Variants in EPB41L3 observed in about 807,000 individuals in gnomAD.
EPB41L3 encodes the protein erythrocyte membrane protein band 4.1 like 3, also known as band 4.1-like protein 3.
A neutral mutation model predicts 127.1 loss-of-function variants in EPB41L3; 57 were observed. The observed-to-expected ratio is 0.45, with a 90% CI of 0.36 to 0.56. EPB41L3 has a LOEUF of 0.56. EPB41L3 is among the 20% of genes least tolerant of loss of function. EPB41L3 has a pLI of 0.00. For synonymous variants in EPB41L3, 572 were observed against 549.5 expected, an observed-to-expected ratio of 1.04 and a Z score of -0.57; for missense variants, 1,273 against 1,372.2, an observed-to-expected ratio of 0.93 and a Z score of 1.14.
At chr18:5,451,027 A>T (rs1398067149) in intron 3 of EPB41L3, among the ~76,000 whole-genome samples, 1 of 152,124 alleles carries the variant, frequency 6.6e-6, no homozygotes, top group Non-Finnish European at 1.5e-5. Context: ...ACTGATGACC[A>T]TTGCCCTGTA....
rs796533356 is a variant in EPB41L3 at position 5,455,620 on chromosome 18, C to CT, written c.382-10377dup. On this transcript the variant is annotated intron_variant, in intron 3 of 22. Transcript: ENST00000341928. The stretch of plus-strand genomic sequence containing the variant: ...GCCCATCTACCTTTCTTTAAAGGTG[C>CT]TTTTTTTTTTTTAATTGGTTCCTGC... 5.8e-3 allele frequency among the ~76,000 whole-genome samples: 813 copies of CT among 139,308 alleles called. 9 individuals carry two copies. The highest frequency in any genetic ancestry group is 0.023 in the East Asian group (107 of 4,748). The allele number at this position is 139,308 out of a possible 152,430, so 91.4% of individuals were successfully genotyped here. A position where few individuals can be genotyped will look rare whatever the true frequency, so the allele number is the denominator to read the frequency against.
intron 6 of EPB41L3, 96 bp from the exon 7 acceptor site, chr18:5,434,217 T>C (rs2079407638): frequency 1.1e-6 from 1 of 874,414 alleles, no homozygotes; most frequent in Admixed American, 2.1e-5. Flanking sequence ...AATTTCTCCC[T>C]GTAGAACAGC....
intron 9 of EPB41L3, among the ~76,000 whole-genome samples, chr18:5,427,871 G>A (rs886383536): frequency 4.0e-5 from 6 of 151,816 alleles, no homozygotes; most frequent in African/African-American, 1.5e-4. Flanking sequence ...TCAGCCTCCC[G>A]AGTAGCTGGG....
intron 18 of EPB41L3, 84 bp downstream of exon 18, chr18:5,396,974 C>CTCCA: frequency 7.1e-7 from 1 of 1,409,420 alleles, no homozygotes; most frequent in East Asian, 2.3e-5. Flanking sequence ...TTAAACTTAG[C>CTCCA]TCCACCTTTA....
At position 5,396,855 on chromosome 18, in the gene EPB41L3, G is replaced by C. The variant is rs577423070; in HGVS notation, c.2841+203C>G. 2.6e-5 allele frequency among the ~76,000 whole-genome samples: 4 copies of C among 152,180 alleles called. No homozygotes were observed. In the East Asian group the frequency reaches 7.7e-4, roughly 29 times the overall value. On this transcript the variant is annotated intron_variant, in intron 18 of 22. Transcript: ENST00000341928. The stretch of plus-strand genomic sequence containing the variant: ...GGTGCCATATTATTAATAATTAAGA[G>C]ATATGTTTGCATGTGACACCAAAGC...
chr18:5,421,598 T>C (rs577403305), intron 11 of EPB41L3, among the ~76,000 whole-genome samples: 249 of 152,280 alleles, frequency 1.6e-3, no homozygotes, highest in African/African-American at 5.6e-3. Flanking sequence ...ATTATGAATA[T>C]AAAATGTGGT....
rs985881206 is a variant in EPB41L3, at chr18:5,393,276, G to A, written c.*209C>T. On this transcript the variant is annotated 3_prime_UTR_variant, in exon 23 of 23. Coordinates refer to ENST00000341928, the MANE Select transcript of EPB41L3 (RefSeq NM_012307.5). ...TTTTATCGTTGCTTCATGCATTATCGGTTTAGTGATGCTGAATCAGATTGC... is the reference window on the plus strand; with the variant it reads ...TTTTATCGTTGCTTCATGCATTATCAGTTTAGTGATGCTGAATCAGATTGC... The A allele has an allele frequency of 6.8e-6, 3 of 439,574 alleles. No homozygotes were observed. The highest frequency in any genetic ancestry group is 1.2e-5 in the Non-Finnish European group (3 of 248,500). The allele number at this position is 439,574 out of a possible 1,614,324, so 27.2% of individuals were successfully genotyped here. A position where few individuals can be genotyped will look rare whatever the true frequency, so the allele number is the denominator to read the frequency against.
intron 3 of EPB41L3, among the ~76,000 whole-genome samples, chr18:5,562,399 T>G (rs1377881142): frequency 1.3e-5 from 2 of 152,158 alleles, no homozygotes; most frequent in Non-Finnish European, 2.9e-5. Context: ...AGTTAAACAA[T>G]GAGAGTAGGG....
Position 5,428,197 on chromosome 18 carries a change from T to C in EPB41L3, c.1065+116A>G, listed in dbSNP as rs1019439166. The C allele has an allele frequency of 4.2e-6, 5 of 1,187,498 alleles. 1 individual carries two copies. The highest frequency in any genetic ancestry group is 2.9e-5 in the South Asian group (2 of 68,712). 73.6% of individuals were successfully genotyped at this position (1,187,498 alleles called of 1,614,324 possible). ...CCTACAATAAACTCTCTCAGGCACT[T>C]AGATGTCATTCACTGTGTCCCACAA... On this transcript the variant is annotated intron_variant, in intron 9 of 22. Coordinates refer to ENST00000341928, the MANE Select transcript of EPB41L3 (RefSeq NM_012307.5).
chr18:5,399,634 G>A (rs764698675), intron 16 of EPB41L3: 3 of 335,342 alleles, frequency 8.9e-6, no homozygotes, highest in Non-Finnish European at 1.6e-5. Context: ...ATACTTTGCA[G>A]TAAATTTTTT....
At chr18:5,483,947 C>T (rs2089113806) in intron 2 of EPB41L3, among the ~76,000 whole-genome samples, 1 of 151,130 alleles carries the variant, frequency 6.6e-6, no homozygotes, top group Non-Finnish European at 1.5e-5. Context: ...TGGAGTTAAA[C>T]TACACACTAG....
chr18:5,433,222 T>C (rs2079238787), intron 8 of EPB41L3, among the ~76,000 whole-genome samples: 1 of 152,200 alleles, frequency 6.6e-6, no homozygotes, highest in South Asian at 2.1e-4. Flanking sequence ...GCTTTGCCTA[T>C]CACGGGCTTT....
intron 1 of EPB41L3, among the ~76,000 whole-genome samples, chr18:5,491,105 C>T (rs1192023090): frequency 6.6e-6 from 1 of 152,154 alleles, no homozygotes; most frequent in Non-Finnish European, 1.5e-5. Context: ...TAAGACTGGA[C>T]CAAGGAGACA....
intron 1 of EPB41L3, among the ~76,000 whole-genome samples, chr18:5,534,182 GA>G (rs1364777833): frequency 2.0e-5 from 3 of 152,078 alleles, no homozygotes; most frequent in African/African-American, 7.2e-5. Context: ...AAAAAAGAAA[GA>G]AAAAAAGAAA....
chr18:5,585,493 G>A (rs1223935696), intron 3 of EPB41L3, among the ~76,000 whole-genome samples: 3 of 152,128 alleles, frequency 2.0e-5, no homozygotes, highest in Middle Eastern at 3.4e-3. Flanking sequence ...TAGTAGAGAC[G>A]GGGTTTTGCC....
Position 5,438,052 on chromosome 18 carries a change from T to G in EPB41L3, c.588A>C (p.Leu196=), listed in dbSNP as rs765246526. ...TCAAATACCTGGTGATATCTTCAGA[T>G]AGTTGGGCAGGGTCTGGTGGATAAA... ...VKFYPPDPAQ[L]SEDITRYYLC... Residue 196 remains leucine (L), a synonymous_variant, in exon 6 of 23, where the codon CTA becomes CTC. Coordinates refer to ENST00000341928, the MANE Select transcript of EPB41L3 (RefSeq NM_012307.5). 1.2e-6 allele frequency: 2 copies of G among 1,613,906 alleles called. No homozygotes were observed. Among genetic ancestry groups the G allele is most frequent in the Admixed American group, 1.7e-5 (1 of 60,022 alleles).
chr18:5,431,376 T>A, intron 8 of EPB41L3: 1 of 152,214 alleles, frequency 6.6e-6, no homozygotes, highest in East Asian at 1.9e-4. Context: ...CTTCAAATGA[T>A]GGAGTTTGGC....
chr18:5,559,324 T>A (rs1295808650), intron 3 of EPB41L3, among the ~76,000 whole-genome samples: 1 of 152,176 alleles, frequency 6.6e-6, no homozygotes, highest in Non-Finnish European at 1.5e-5. Flanking sequence ...GAACACAGAC[T>A]TTTTGCAAAG....
chr18:5,395,533 T>C, intron 20 of EPB41L3, 76 bp downstream of exon 20: 2 of 1,379,780 alleles, frequency 1.4e-6, no homozygotes, highest in Non-Finnish European at 2.1e-6. Flanking sequence ...CAGCCCAACC[T>C]GTGAGGAGTT....
Sources: allele counts gnomAD v4.1 joint callset (sites outside exome capture counted in the v4.1 genomes callset), GRCh38; gene constraint gnomAD v4.1.1; transcripts MANE v1.5; gene names NCBI Gene and HGNC (gene_info 2026-07-23, HGNC 2026-07-21).